ALMS1: variants seen among roughly 807,000 people sequenced by gnomAD.
ALMS1 encodes the protein centrosome-associated protein ALMS1.
ALMS1 carries 271 observed loss-of-function variants against 352.2 expected under a neutral mutation model. The ratio of observed to expected loss-of-function variants is 0.77; its 90% CI spans 0.70 to 0.85. The LOEUF is 0.85. Ranked by LOEUF, ALMS1 falls within the 40% of genes least tolerant of loss-of-function variation. ALMS1 has a pLI of 0.00. For missense variants in ALMS1, 5,445 were observed against 4,870.7 expected, an observed-to-expected ratio of 1.12 and a Z score of -3.51; for synonymous variants, 1,865 against 1,761.2, an observed-to-expected ratio of 1.06 and a Z score of -1.48.
chr2:73,586,637 T>G (rs1176517065), intron 16 of ALMS1, among the ~76,000 whole-genome samples: 1 of 152,222 alleles, frequency 6.6e-6, no homozygotes, highest in African/African-American at 2.4e-5. Flanking sequence ...CCATGCTGTT[T>G]TGTTAACTAT....
At chr2:73,411,207 A>G (rs1167048932) in intron 2 of ALMS1, among the ~76,000 whole-genome samples, 1 of 151,876 alleles carries the variant, frequency 6.6e-6, no homozygotes, top group Non-Finnish European at 1.5e-5. Context: ...GGAGAAAAAC[A>G]TACAAGGAGA....
chr2:73,599,981 G>A (rs1170832203), intron 17 of ALMS1, among the ~76,000 whole-genome samples: 3 of 152,166 alleles, frequency 2.0e-5, no homozygotes, highest in Non-Finnish European at 1.5e-5. Flanking sequence ...ATTATTGTAT[G>A]TCTAGATAAT....
Position 73,449,917 on chromosome 2 carries a change from A to G in ALMS1, c.3390A>G (p.Ala1130=), listed in dbSNP as rs762652299. The change falls in exon 8 of 23, where the codon GCA becomes GCG. Residue 1130 remains alanine (A), a synonymous_variant. Transcript: ENST00000613296. ...ALKISVAPGL[A]DQKTGTPTVT... is the part of the protein sequence containing the mutation. Reference sequence around the variant, plus strand: ...AAATTTCAGTAGCTCCTGGACTAGCAGACCAGAAGACTGGCACACCAACTG... The same window carrying G: ...AAATTTCAGTAGCTCCTGGACTAGCGGACCAGAAGACTGGCACACCAACTG... The G allele has an allele frequency of 6.2e-7, 1 of 1,613,178 alleles. No individual in the cohort carries two copies. Among genetic ancestry groups the G allele is most frequent in the East Asian group, 2.2e-5 (1 of 44,778 alleles).
intron 17 of ALMS1, 36 bp from the exon 18 acceptor site, chr2:73,600,642 G>A (rs372113855): frequency 4.4e-6 from 7 of 1,578,534 alleles, no homozygotes; most frequent in South Asian, 1.2e-5. Flanking sequence ...CAGCCTCAAG[G>A]TTACTCCCAG....
intron 1 of ALMS1, among the ~76,000 whole-genome samples, chr2:73,408,193 CACA>C (rs1200564520): frequency 8.5e-5 from 13 of 152,176 alleles, no homozygotes; most frequent in African/African-American, 3.1e-4. Flanking sequence ...TGGCTATGGT[CACA>C]ACGTTTATTG....
chr2:73,546,674 A>AC (rs1183550480), intron 12 of ALMS1, among the ~76,000 whole-genome samples: 2 of 152,160 alleles, frequency 1.3e-5, no homozygotes, highest in Admixed American at 6.6e-5. Context: ...TTTGAGCTGA[A>AC]CTCTAGAGGA....
At chr2:73,607,338 T>C (rs1192576051) in intron 21 of ALMS1, among the ~76,000 whole-genome samples, 1 of 152,222 alleles carries the variant, frequency 6.6e-6, no homozygotes, top group Non-Finnish European at 1.5e-5. Flanking sequence ...ATTTAACTGT[T>C]GTTTTGTTGG....
At chr2:73,548,560 G>A (rs1359172873) in intron 12 of ALMS1, among the ~76,000 whole-genome samples, 2 of 152,196 alleles carry the variant, frequency 1.3e-5, no homozygotes, top group African/African-American at 2.4e-5. Flanking sequence ...GACTGTGCGT[G>A]CACATGCTGC....
At chr2:73,421,405 G>A (rs151235066) in intron 3 of ALMS1, among the ~76,000 whole-genome samples, 160 of 152,174 alleles carry the variant, frequency 1.1e-3, no homozygotes, top group African/African-American at 3.8e-3. Context: ...GTGTATTTGG[G>A]GACTTTGTTA....
chr2:73,456,671 GA>G (rs1254844643), intron 9 of ALMS1: 1 of 151,996 alleles, frequency 6.6e-6, no homozygotes, highest in African/African-American at 2.4e-5. Context: ...CTCAATTTTG[GA>G]AAAGTTTGAA....
At chr2:73,406,261 GT>G (rs921966224) in intron 1 of ALMS1, among the ~76,000 whole-genome samples, 1 of 152,060 alleles carries the variant, frequency 6.6e-6, no homozygotes, top group African/African-American at 2.4e-5. Flanking sequence ...TATGGTATCA[GT>G]TTTGTTTAAA....
intron 11 of ALMS1, among the ~76,000 whole-genome samples, chr2:73,533,822 G>C (rs2103990231): frequency 6.6e-6 from 1 of 152,312 alleles, no homozygotes; most frequent in South Asian, 2.1e-4. Flanking sequence ...CGTGCTGTTG[G>C]AGGAAGAGTA....
At chr2:73,478,086 T>C (rs1672618830) in intron 9 of ALMS1, among the ~76,000 whole-genome samples, 1 of 152,198 alleles carries the variant, frequency 6.6e-6, no homozygotes, top group Non-Finnish European at 1.5e-5. Context: ...TTCGGTATTA[T>C]GTTAGCGCTG....
At position 73,490,049 on chromosome 2, in the gene ALMS1, A is replaced by C. The variant is rs745692402; in HGVS notation, c.8090A>C (p.His2697Pro). 6.2e-7 allele frequency: 1 copy of C among 1,614,200 alleles called. No individual in the cohort carries two copies. Among genetic ancestry groups the C allele is most frequent in the Non-Finnish European group, 8.5e-7 (1 of 1,180,040 alleles). Residue 2697 changes from histidine to proline, a missense_variant, in exon 10 of 23, where the codon CAT (histidine) becomes CCT (proline). By Grantham distance (77) the His-to-Pro change is moderately conservative. Coordinates refer to ENST00000613296, the MANE Select transcript of ALMS1 (RefSeq NM_001378454.1). Reference sequence around the variant, plus strand: ...GTGCCACCTAAAGAAGTGGATTTTCATTCTTCATCACAAATGCCGTCCCCA... The same window carrying C: ...GTGCCACCTAAAGAAGTGGATTTTCCTTCTTCATCACAAATGCCGTCCCCA... Reference protein sequence around the residue: ...AFVPPKEVDFHSSSQMPSPEP... With the variant: ...AFVPPKEVDFPSSSQMPSPEP...
At chr2:73,578,472 T>C (rs999157380) in intron 16 of ALMS1, among the ~76,000 whole-genome samples, 2 of 152,194 alleles carry the variant, frequency 1.3e-5, no homozygotes, top group African/African-American at 2.4e-5. Context: ...TTGTATCTAA[T>C]TGATTTTTTG....
At chr2:73,516,138 A>T (rs945543505) in intron 10 of ALMS1, among the ~76,000 whole-genome samples, 2 of 152,248 alleles carry the variant, frequency 1.3e-5, no homozygotes, top group Non-Finnish European at 2.9e-5. Flanking sequence ...GGCAAAGGAC[A>T]TGAACAGACG....
chr2:73,563,652 G>C (rs937598331), intron 15 of ALMS1, among the ~76,000 whole-genome samples: 1 of 148,092 alleles, frequency 6.8e-6, no homozygotes, highest in East Asian at 2.0e-4. Context: ...GAACCTGGGC[G>C]GCAGAGCTTG....
intron 7 of ALMS1, among the ~76,000 whole-genome samples, chr2:73,439,608 TC>T (rs1371671231): frequency 6.6e-6 from 1 of 152,080 alleles, no homozygotes; most frequent in Non-Finnish European, 1.5e-5. Context: ...TGGTGTGATC[TC>T]GGCTCACTGC....
intron 16 of ALMS1, among the ~76,000 whole-genome samples, chr2:73,589,841 T>C (rs1463960394): frequency 6.6e-6 from 1 of 152,212 alleles, no homozygotes; most frequent in Non-Finnish European, 1.5e-5. Context: ...TGTCTGAAAC[T>C]GTCTTTAGCA....
Sources: allele counts gnomAD v4.1 joint callset (sites outside exome capture counted in the v4.1 genomes callset), GRCh38; gene constraint gnomAD v4.1.1; transcripts MANE v1.5; gene names NCBI Gene and HGNC (gene_info 2026-07-23, HGNC 2026-07-21).